Variants in FILIP1L observed in about 807,000 individuals in gnomAD.
FILIP1L encodes the protein filamin A-interacting protein 1-like.
A neutral mutation model predicts 96.6 loss-of-function variants in FILIP1L; 55 were observed. The observed-to-expected ratio is 0.57, with a 90% CI of 0.46 to 0.71. FILIP1L has a LOEUF of 0.71. Ranked by LOEUF, FILIP1L falls within the 30% of genes least tolerant of loss-of-function variation. The probability of loss-of-function intolerance (pLI) is 0.00; values close to 1 mark genes in which losing one functional copy is unlikely to be tolerated. For missense variants in FILIP1L, 1,304 were observed against 1,321.2 expected, an observed-to-expected ratio of 0.99 and a Z score of 0.20; for synonymous variants, 467 against 473.9, an observed-to-expected ratio of 0.99 and a Z score of 0.19.
At chr3:99,992,372 A>T (rs1005223455) in intron 1 of FILIP1L, among the ~76,000 whole-genome samples, 4 of 152,030 alleles carry the variant, frequency 2.6e-5, no homozygotes, top group African/African-American at 9.7e-5. Context: ...TCTGACTGAT[A>T]TAAGGGAGTA....
At chr3:99,876,329 T>C (rs1352420800) in intron 4 of FILIP1L, 2 of 492,304 alleles carry the variant, frequency 4.1e-6, no homozygotes, top group Middle Eastern at 9.8e-4. Flanking sequence ...CTCCCGCGGA[T>C]GTTCCGGCCG....
intron 4 of FILIP1L, among the ~76,000 whole-genome samples, chr3:99,878,400 C>T (rs947373568): frequency 5.9e-5 from 9 of 152,216 alleles, no homozygotes; most frequent in African/African-American, 1.9e-4. Flanking sequence ...CAAGGTCACA[C>T]CGCTACTAAA....
chr3:100,047,765 T>C (rs1245590790), intron 1 of FILIP1L, among the ~76,000 whole-genome samples: 1 of 152,162 alleles, frequency 6.6e-6, no homozygotes, highest in Admixed American at 6.5e-5. Flanking sequence ...CTGCTTCCTC[T>C]TTTAACTGAC....
chr3:100,024,976 G>A (rs965903823), intron 1 of FILIP1L, among the ~76,000 whole-genome samples: 16 of 152,110 alleles, frequency 1.1e-4, no homozygotes, highest in African/African-American at 3.6e-4. Flanking sequence ...CAAGTTTATC[G>A]AGCTTGATTT....
At chr3:99,956,239 C>T (rs2107695232) in intron 1 of FILIP1L, among the ~76,000 whole-genome samples, 1 of 152,270 alleles carries the variant, frequency 6.6e-6, no homozygotes, top group South Asian at 2.1e-4. Context: ...CACCTTTCTT[C>T]TTTGTTGCTT....
At chr3:99,947,029 CG>C (rs1708029538) in intron 1 of FILIP1L, among the ~76,000 whole-genome samples, 2 of 147,838 alleles carry the variant, frequency 1.4e-5, no homozygotes, top group South Asian at 4.3e-4. Flanking sequence ...CCCAGATACT[CG>C]GGAGGCTGAG....
At chr3:99,955,159 C>G (rs1172494855) in intron 1 of FILIP1L, among the ~76,000 whole-genome samples, 1 of 152,214 alleles carries the variant, frequency 6.6e-6, no homozygotes, top group Non-Finnish European at 1.5e-5. Flanking sequence ...CTGTATCATT[C>G]TAGCAATGGG....
chr3:100,053,990 C>T (rs118185811), intron 1 of FILIP1L, among the ~76,000 whole-genome samples: 2 of 152,326 alleles, frequency 1.3e-5, no homozygotes, highest in East Asian at 3.9e-4. Context: ...CTTTGTATAT[C>T]TGGACATTCG....
intron 4 of FILIP1L, chr3:99,876,134 G>T: frequency 1.0e-6 from 1 of 986,306 alleles, no homozygotes; most frequent in South Asian, 4.6e-5. Flanking sequence ...GCCGCGCTGC[G>T]AGCCGACTGT....
intron 4 of FILIP1L, among the ~76,000 whole-genome samples, chr3:99,902,133 T>C (rs913748712): frequency 5.9e-5 from 9 of 152,198 alleles, no homozygotes; most frequent in African/African-American, 1.9e-4. Context: ...GAAATATTCA[T>C]GATGTTATAT....
chr3:99,935,244 G>A (rs1707624268), intron 1 of FILIP1L, among the ~76,000 whole-genome samples: 1 of 138,220 alleles, frequency 7.2e-6, no homozygotes. Context: ...TAGCAACAGT[G>A]GTTTGGGATT....
chr3:100,096,596 A>G (rs2107447498), intron 1 of FILIP1L, among the ~76,000 whole-genome samples: 1 of 151,840 alleles, frequency 6.6e-6, no homozygotes, highest in Non-Finnish European at 1.5e-5. Context: ...GAGTAGAGGG[A>G]TGGTTACCAG....
chr3:99,854,995 AC>A (rs770570318), intron 4 of FILIP1L, among the ~76,000 whole-genome samples: 72 of 152,316 alleles, frequency 4.7e-4, no homozygotes, highest in Middle Eastern at 6.8e-3. Flanking sequence ...TTGCCTTATA[AC>A]AAACTCCCAG....
rs1422991382 is a variant in FILIP1L, at chr3:99,930,748, G to T, written c.252+21C>A. 5 of 1,610,896 alleles carry T rather than the reference G, an allele frequency of 3.1e-6. No homozygotes were observed. In the East Asian group the frequency reaches 8.9e-5, roughly 29 times the overall value. ...AGCCTTCTGTTTGAAGCATGATGGG[G>T]ATAACTCCAACCCAGCTGACCTGCA... On this transcript the variant is annotated intron_variant, in intron 2 of 5. Transcript: ENST00000477258.
intron 1 of FILIP1L, among the ~76,000 whole-genome samples, chr3:100,108,038 A>G (rs1340093877): frequency 6.6e-6 from 1 of 152,128 alleles, no homozygotes; most frequent in Non-Finnish European, 1.5e-5. Flanking sequence ...GAAATGAGGC[A>G]TTTTAAATTC....
chr3:99,931,176 T>A, intron 1 of FILIP1L, 146 bp from the exon 2 acceptor site: 1 of 654,452 alleles, frequency 1.5e-6, no homozygotes, highest in Non-Finnish European at 2.6e-6. Context: ...CAGAGAAGGA[T>A]ATTAGCAGAT....
intron 1 of FILIP1L, among the ~76,000 whole-genome samples, chr3:100,109,005 A>G (rs897730350): frequency 6.6e-6 from 1 of 151,754 alleles, no homozygotes; most frequent in Non-Finnish European, 1.5e-5. Flanking sequence ...TGGCTTTTTC[A>G]ATGCAGTTTG....
chr3:99,873,314 A>G (rs1705334239), intron 4 of FILIP1L, among the ~76,000 whole-genome samples: 1 of 152,238 alleles, frequency 6.6e-6, no homozygotes, highest in Non-Finnish European at 1.5e-5. Context: ...TTTAAAATTA[A>G]TATGTCCAAC....
intron 1 of FILIP1L, among the ~76,000 whole-genome samples, chr3:100,097,935 G>GT (rs1435256922): frequency 6.6e-6 from 1 of 152,078 alleles, no homozygotes; most frequent in Non-Finnish European, 1.5e-5. Context: ...TATTTTGTTG[G>GT]TTTTTTAAAA....
Sources: gnomAD v4.1 joint callset for allele counts (sites outside exome capture counted in the v4.1 genomes callset) on GRCh38, gnomAD v4.1.1 for gene constraint, MANE v1.5 for transcripts, NCBI Gene and HGNC (gene_info 2026-07-23, HGNC 2026-07-21) for gene names.